Variants in CCSER1 observed in about 807,000 individuals in gnomAD.
The protein encoded by CCSER1 is coiled-coil serine rich protein 1.
Under a neutral mutation model 82.0 loss-of-function variants are expected in CCSER1, and 41 were observed. The observed-to-expected ratio is 0.50, with a 90% confidence interval of 0.39 to 0.65. CCSER1 has a LOEUF of 0.65. Ranked by LOEUF, CCSER1 falls within the 30% of genes least tolerant of loss-of-function variation. CCSER1 has a pLI of 0.00. For missense variants in CCSER1, 1,119 were observed against 1,064.2 expected, an observed-to-expected ratio of 1.05 and a Z score of -0.72; for synonymous variants, 414 against 383.9, an observed-to-expected ratio of 1.08 and a Z score of -0.92.
At chr4:90,538,228 A>T (rs77223569) in intron 5 of CCSER1, among the ~76,000 whole-genome samples, 1 of 152,056 alleles carries the variant, frequency 6.6e-6, no homozygotes, top group Non-Finnish European at 1.5e-5. Flanking sequence ...AGCAGGAGAC[A>T]TGATGCTCTG....
chr4:90,296,156 T>G (rs544193652), intron 1 of CCSER1, among the ~76,000 whole-genome samples: 2 of 152,226 alleles, frequency 1.3e-5, no homozygotes, highest in African/African-American at 4.8e-5. Flanking sequence ...TCTGAGACAG[T>G]CTTTGAATGT....
At chr4:90,831,425 A>G (rs758880734) in intron 8 of CCSER1, among the ~76,000 whole-genome samples, 2 of 152,168 alleles carry the variant, frequency 1.3e-5, no homozygotes, top group Non-Finnish European at 2.9e-5. Context: ...GAGCATTTAT[A>G]TATTTTTTCC....
At chr4:90,724,184 A>G (rs1743222942) in intron 7 of CCSER1, among the ~76,000 whole-genome samples, 193 bp downstream of exon 7, 1 of 152,012 alleles carries the variant, frequency 6.6e-6, no homozygotes, top group Non-Finnish European at 1.5e-5. Flanking sequence ...TTGAATGATA[A>G]TTAATACTTT....
intron 10 of CCSER1, among the ~76,000 whole-genome samples, chr4:91,308,049 T>G (rs2149249156): frequency 6.6e-6 from 1 of 152,086 alleles, no homozygotes; most frequent in South Asian, 2.1e-4. Context: ...ACTGCTAAAA[T>G]TTTGGAAAAT....
At chr4:90,532,704 A>G (rs1331634660) in intron 5 of CCSER1, among the ~76,000 whole-genome samples, 3 of 152,166 alleles carry the variant, frequency 2.0e-5, no homozygotes, top group Non-Finnish European at 4.4e-5. Context: ...TTTTGTATGG[A>G]CTTCTACCAA....
chr4:90,851,010 G>C (rs906545425), intron 8 of CCSER1, among the ~76,000 whole-genome samples: 2 of 152,110 alleles, frequency 1.3e-5, no homozygotes, highest in African/African-American at 4.8e-5. Flanking sequence ...TCTCAGGTTG[G>C]TGAGTTCTCA....
chr4:90,486,030 A>G (rs1026191383), intron 5 of CCSER1, among the ~76,000 whole-genome samples: 6 of 152,180 alleles, frequency 3.9e-5, no homozygotes, highest in African/African-American at 1.4e-4. Context: ...TATTTACCAC[A>G]GAAACAAATA....
intron 6 of CCSER1, among the ~76,000 whole-genome samples, chr4:90,655,572 T>C (rs1237728712): frequency 6.6e-6 from 1 of 151,974 alleles, no homozygotes; most frequent in Non-Finnish European, 1.5e-5. Flanking sequence ...TCTCTTACAT[T>C]TGGAGTCAAA....
At chr4:91,171,109 A>G (rs965302459) in intron 10 of CCSER1, among the ~76,000 whole-genome samples, 7 of 152,198 alleles carry the variant, frequency 4.6e-5, no homozygotes, top group Admixed American at 4.6e-4. Flanking sequence ...GAATAGAAAC[A>G]TATTTGCAAA....
At chr4:90,430,697 A>G (rs760413526) in intron 4 of CCSER1, among the ~76,000 whole-genome samples, 102 of 151,952 alleles carry the variant, frequency 6.7e-4, no homozygotes, top group Non-Finnish European at 8.0e-4. Context: ...ATAGGAAAAT[A>G]TGTGGGTTCT....
At chr4:90,843,996 G>T (rs894099127) in intron 8 of CCSER1, among the ~76,000 whole-genome samples, 1 of 151,866 alleles carries the variant, frequency 6.6e-6, no homozygotes, top group Admixed American at 6.6e-5. Flanking sequence ...AAGATTTTGT[G>T]TATTTGTCAA....
At chr4:91,289,515 A>C (rs1743585395) in intron 10 of CCSER1, among the ~76,000 whole-genome samples, 1 of 152,090 alleles carries the variant, frequency 6.6e-6, no homozygotes, top group South Asian at 2.1e-4. Flanking sequence ...TAGAGCTGTA[A>C]GAATGAATTG....
chr4:90,696,679 T>G (rs1020343926), intron 6 of CCSER1, among the ~76,000 whole-genome samples: 1 of 152,172 alleles, frequency 6.6e-6, no homozygotes, highest in African/African-American at 2.4e-5. Flanking sequence ...ACTTCTTATT[T>G]AGCACTTTGT....
intron 6 of CCSER1, chr4:90,663,786 T>C: frequency 4.6e-6 from 1 of 216,870 alleles, no homozygotes; most frequent in South Asian, 5.2e-5. Context: ...GATGGTTAGC[T>C]ATTAGTTCCA....
intron 10 of CCSER1, among the ~76,000 whole-genome samples, chr4:91,369,664 T>G (rs1749883733): frequency 2.7e-4 from 3 of 11,008 alleles, no homozygotes; most frequent in African/African-American, 9.2e-4. Context: ...TCTGTAGCTT[T>G]TTTTTTTTTT....
At chr4:91,160,740 G>A (rs1464086759) in intron 10 of CCSER1, among the ~76,000 whole-genome samples, 1 of 151,702 alleles carries the variant, frequency 6.6e-6, no homozygotes, top group African/African-American at 2.4e-5. Flanking sequence ...TTTTGATGTT[G>A]TTGTTGTTGT....
At chr4:90,323,059 C>T (rs544123912) in intron 3 of CCSER1, among the ~76,000 whole-genome samples, 9 of 152,308 alleles carry the variant, frequency 5.9e-5, no homozygotes, top group African/African-American at 9.6e-5. Context: ...GCCATCCAGG[C>T]GCTGGGGTCT....
At chr4:91,366,952 TATTA>T (rs1323389148) in intron 10 of CCSER1, among the ~76,000 whole-genome samples, 1 of 152,004 alleles carries the variant, frequency 6.6e-6, no homozygotes, top group Non-Finnish European at 1.5e-5. Flanking sequence ...GAAAATCACA[TATTA>T]ATTCAACAGG....
rs776271954 is a variant in CCSER1, at chr4:91,587,897, ATTAACT to A, written c.2218-10670_2218-10665del. On this transcript the variant is annotated intron_variant, in intron 10 of 10. Coordinates refer to ENST00000509176, the MANE Select transcript of CCSER1 (RefSeq NM_001145065.2). Reference sequence around the variant, plus strand: ...TTATAAAATCAAGGTATTAAAATACATTAACTTTAAAGCCTCTCTTGAATCTTGAAT... The same window carrying A: ...TTATAAAATCAAGGTATTAAAATACATTAAAGCCTCTCTTGAATCTTGAAT... Among the ~76,000 whole-genome samples the A allele has an allele frequency of 1.1e-3, 162 of 151,858 alleles. 1 individual carries two copies. The highest frequency in any genetic ancestry group is 1.8e-3 in the Non-Finnish European group (123 of 67,764).
Sources: gnomAD v4.1 joint callset for allele counts (sites outside exome capture counted in the v4.1 genomes callset) on GRCh38, gnomAD v4.1.1 for gene constraint, MANE v1.5 for transcripts, NCBI Gene and HGNC (gene_info 2026-07-23, HGNC 2026-07-21) for gene names.